Variants in FAM13A observed in about 807,000 individuals in gnomAD.
FAM13A encodes protein FAM13A.
A neutral mutation model predicts 129.6 loss-of-function variants in FAM13A; 76 were observed. The ratio of observed to expected loss-of-function variants is 0.59; its 90% confidence interval spans 0.49 to 0.71. The LOEUF is 0.71. Ranked by LOEUF, FAM13A falls within the 30% of genes least tolerant of loss-of-function variation. FAM13A has a pLI of 0.00. For synonymous variants in FAM13A, 443 were observed against 449.9 expected (o/e 0.98, Z 0.20); for missense variants, 1,108 against 1,249.3 (o/e 0.89, Z 1.70).
chr4:88,759,866 G>A (rs1370544053), intron 13 of FAM13A, among the ~76,000 whole-genome samples: 1 of 151,952 alleles, frequency 6.6e-6, no homozygotes, highest in African/African-American at 2.4e-5. Context: ...TTTTTTTTAA[G>A]CCTTGCTCTC....
chr4:88,805,015 A>G lies in FAM13A; in HGVS notation c.1045T>C (p.Leu349=). 1 of 1,554,716 alleles carries G rather than the reference A, an allele frequency of 6.4e-7. No individual in the cohort carries two copies. The highest frequency in any genetic ancestry group is 8.9e-7 in the Non-Finnish European group (1 of 1,128,758). ...CAACAAAAATCAAATAAATACCTCA[A>G]ATAGAAAGGTGACAGAGGTCTTTCA... The part of the protein sequence containing the change: ...EDERPLSPFY[L]SAHVPQVSNV... The change falls in exon 8 of 24, where the codon TTG becomes CTG. Residue 349 remains leucine, a synonymous_variant. Coordinates refer to ENST00000264344, the MANE Select transcript of FAM13A (RefSeq NM_014883.4).
chr4:88,866,611 C>CAA (rs898937716), intron 6 of FAM13A, among the ~76,000 whole-genome samples: 1 of 150,756 alleles, frequency 6.6e-6, no homozygotes, highest in Non-Finnish European at 1.5e-5. Flanking sequence ...GTCCAGAATA[C>CAA]AAAAAAAAAT....
chr4:88,950,203 T>G (rs1483699814), intron 4 of FAM13A, among the ~76,000 whole-genome samples: 1 of 115,880 alleles, frequency 8.6e-6, no homozygotes. Context: ...ATGATAAAAA[T>G]CAGGCTTTTT....
intron 13 of FAM13A, among the ~76,000 whole-genome samples, chr4:88,766,125 G>T (rs1745670385): frequency 6.6e-6 from 1 of 152,130 alleles, no homozygotes; most frequent in Non-Finnish European, 1.5e-5. Flanking sequence ...AAAGAAAACA[G>T]GCATAAAAGG....
At chr4:89,005,367 A>C (rs1183961245) in intron 3 of FAM13A, among the ~76,000 whole-genome samples, 1 of 152,228 alleles carries the variant, frequency 6.6e-6, no homozygotes, top group Non-Finnish European at 1.5e-5. Flanking sequence ...ATAGTGCTGC[A>C]AATGAAAATT....
At position 88,957,840 on chromosome 4, in the gene FAM13A, G is replaced by A. The variant is rs1489147136; in HGVS notation, c.606-19599C>T. 3.9e-5 allele frequency among the ~76,000 whole-genome samples: 6 copies of A among 152,218 alleles called. No individual in the cohort carries two copies. The East Asian group carries it at 1.2e-3, about 29-fold the overall frequency. On this transcript the variant is annotated intron_variant, in intron 4 of 23. Coordinates refer to ENST00000264344, the MANE Select transcript of FAM13A (RefSeq NM_014883.4). Reference sequence around the variant, plus strand: ...TTATGCGTTAGCAAGGAACTTGGCTGCACTCTGCTCATGCTTTAGGGAATT... The same window carrying A: ...TTATGCGTTAGCAAGGAACTTGGCTACACTCTGCTCATGCTTTAGGGAATT...
chr4:88,993,455 G>A (rs1041381730), intron 3 of FAM13A, among the ~76,000 whole-genome samples: 1 of 152,150 alleles, frequency 6.6e-6, no homozygotes, highest in African/African-American at 2.4e-5. Flanking sequence ...ATCAGCCTCT[G>A]GCCTTCTGGC....
intron 13 of FAM13A, chr4:88,759,230 CTG>C (rs1744318019): frequency 4.8e-6 from 1 of 207,616 alleles, no homozygotes; most frequent in Admixed American, 5.5e-5. Flanking sequence ...GCTCTCATGA[CTG>C]TAAACAACAA....
At chr4:88,975,346 C>T (rs1760750565) in intron 4 of FAM13A, among the ~76,000 whole-genome samples, 1 of 152,144 alleles carries the variant, frequency 6.6e-6, no homozygotes, top group South Asian at 2.1e-4. Flanking sequence ...TACATAAGTG[C>T]ACACACATAC....
At chr4:88,846,169 C>T (rs1489378361) in intron 7 of FAM13A, among the ~76,000 whole-genome samples, 1 of 152,186 alleles carries the variant, frequency 6.6e-6, no homozygotes, top group African/African-American at 2.4e-5. Context: ...GTTCTGTTTA[C>T]ACTCAAACCT....
Position 88,903,243 on chromosome 4 carries a change from G to C in FAM13A, c.843+3136C>G, listed in dbSNP as rs145735740. ...ATCATTGATGTTCTTCAGAGAATTA[G>C]AAAACAACTATTGTAAAATTCATAT... is the stretch of plus-strand genomic sequence containing the variant. On this transcript the variant is annotated intron_variant, in intron 6 of 23. Coordinates refer to ENST00000264344, the MANE Select transcript of FAM13A (RefSeq NM_014883.4). Among the ~76,000 whole-genome samples, 46 of 152,226 alleles carry C rather than the reference G, an allele frequency of 3.0e-4. 2 individuals carry two copies. Among genetic ancestry groups the C allele is most frequent in the African/African-American group, 1.1e-3 (45 of 41,538 alleles).
intron 18 of FAM13A, 108 bp downstream of exon 18, chr4:88,747,523 G>T: frequency 1.1e-6 from 1 of 882,494 alleles, no homozygotes; most frequent in Non-Finnish European, 1.8e-6. Flanking sequence ...CAGCCTGGAA[G>T]GCTTAACAAG....
intron 7 of FAM13A, among the ~76,000 whole-genome samples, chr4:88,806,865 C>T (rs756199102): frequency 1.3e-5 from 2 of 152,090 alleles, no homozygotes; most frequent in Non-Finnish European, 2.9e-5. Context: ...TGACAGAAGT[C>T]GCTTACACAT....
At chr4:88,795,481 AT>A (rs1429402420) in intron 8 of FAM13A, among the ~76,000 whole-genome samples, 1 of 151,810 alleles carries the variant, frequency 6.6e-6, no homozygotes, top group African/African-American at 2.4e-5. Flanking sequence ...ATAAAAAGAA[AT>A]GGAAAGTTTA....
intron 7 of FAM13A, among the ~76,000 whole-genome samples, chr4:88,829,755 G>A (rs1171409464): frequency 2.6e-5 from 4 of 152,108 alleles, no homozygotes; most frequent in Admixed American, 2.6e-4. Flanking sequence ...AGTGCGTGTA[G>A]GTAAAGCAGC....
chr4:88,911,559 A>G (rs916465377), intron 5 of FAM13A, among the ~76,000 whole-genome samples: 1 of 152,204 alleles, frequency 6.6e-6, no homozygotes, highest in Non-Finnish European at 1.5e-5. Flanking sequence ...ACACCATCAA[A>G]TCTACAAACC....
At chr4:88,927,686 C>T (rs573902970) in intron 5 of FAM13A, among the ~76,000 whole-genome samples, 14 of 151,708 alleles carry the variant, frequency 9.2e-5, no homozygotes, top group Non-Finnish European at 1.5e-4. Context: ...TTTTTTATTT[C>T]TGTGGTGTAA....
chr4:88,856,679 A>C (rs371583496), intron 6 of FAM13A, among the ~76,000 whole-genome samples: 21 of 152,348 alleles, frequency 1.4e-4, no homozygotes, highest in African/African-American at 5.1e-4. Context: ...GGACAAAAGA[A>C]GTAGCACTAA....
At chr4:88,748,801 G>A (rs568340318) in intron 17 of FAM13A, 151 bp downstream of exon 17, 21 of 697,194 alleles carry the variant, frequency 3.0e-5, no homozygotes, top group Non-Finnish European at 5.5e-5. Flanking sequence ...GTGAAGACCT[G>A]GGGAAGTGGT....
Sources: gnomAD v4.1 joint callset for allele counts (sites outside exome capture counted in the v4.1 genomes callset) on GRCh38, gnomAD v4.1.1 for gene constraint, MANE v1.5 for transcripts, NCBI Gene and HGNC (gene_info 2026-07-23, HGNC 2026-07-21) for gene names.